The following ADAM12 variants were observed in gnomAD, a reference collection of about 807,000 sequenced individuals.
The protein encoded by ADAM12 is ADAM metallopeptidase domain 12.
ADAM12 carries 70 observed loss-of-function variants against 106.4 expected under a neutral mutation model. The ratio of observed to expected loss-of-function variants is 0.66; its 90% CI spans 0.54 to 0.80. The LOEUF (loss-of-function observed/expected upper bound fraction) is 0.80, where lower values mean the gene tolerates loss of function less well. Ranked by LOEUF, ADAM12 falls within the 30% of genes least tolerant of loss-of-function variation. The pLI is 0.00. For missense variants in ADAM12, 1,010 were observed against 1,171.9 expected, an observed-to-expected ratio of 0.86 and a Z score of 2.02; for synonymous variants, 420 against 433.5, an observed-to-expected ratio of 0.97 and a Z score of 0.39.
chr10:126,372,280 A>G (rs901307782), intron 1 of ADAM12, among the ~76,000 whole-genome samples: 2 of 152,230 alleles, frequency 1.3e-5, no homozygotes, highest in African/African-American at 4.8e-5. Context: ...ATGAACAGTG[A>G]TACCATGTGC....
chr10:126,014,418 A>AT lies in ADAM12; in HGVS notation c.*2860dup, dbSNP rs914784377. 10 of 46,256 alleles carry AT rather than the reference A, an allele frequency of 2.2e-4. No homozygotes were observed. Among genetic ancestry groups the AT allele is most frequent in the Non-Finnish European group, 4.3e-4 (10 of 23,320 alleles). The allele number at this position is 46,256 out of a possible 1,614,324, so 2.9% of individuals were successfully genotyped here. On this transcript the variant is annotated 3_prime_UTR_variant, in exon 23 of 23. Coordinates refer to ENST00000448723, the MANE Select transcript of ADAM12 (RefSeq NM_001288973.2). ...AGAATTCTCATAAAGTTAAGAAGGC[A>AT]TAAAAATGCCCCCCCCCCGAGACTC... is the stretch of plus-strand genomic sequence containing the variant.
intron 3 of ADAM12, among the ~76,000 whole-genome samples, chr10:126,210,566 G>C (rs1323001413): frequency 1.3e-5 from 2 of 152,220 alleles, no homozygotes; most frequent in Non-Finnish European, 2.9e-5. Context: ...CAGGACGTGA[G>C]TGAGTCCTCC....
At chr10:126,372,345 C>G (rs531127298) in intron 1 of ADAM12, among the ~76,000 whole-genome samples, 1 of 152,326 alleles carries the variant, frequency 6.6e-6, no homozygotes, top group South Asian at 2.1e-4. Flanking sequence ...TCCCCAACCT[C>G]TCCCTCATTT....
In ADAM12 at chr10:126,017,183, TA is replaced by T. The variant is rs772863906; in HGVS notation, c.*95del. The T allele has an allele frequency of 2.4e-5, 28 of 1,166,092 alleles. No individual in the cohort carries two copies. The highest frequency in any genetic ancestry group is 5.1e-5 in the East Asian group (2 of 39,136). 72.2% of individuals were successfully genotyped at this position (1,166,092 alleles called of 1,614,324 possible). On this transcript the variant is annotated 3_prime_UTR_variant, in exon 23 of 23. Coordinates refer to ENST00000448723, the MANE Select transcript of ADAM12 (RefSeq NM_001288973.2). ...CTTATAGTAATGATGTTTTAAACAT[TA>T]AAAAAAATCCTAAAAGTTGGTACAA...
intron 11 of ADAM12, 103 bp from the exon 12 acceptor site, chr10:126,071,757 G>A: frequency 8.1e-7 from 1 of 1,240,110 alleles, no homozygotes; most frequent in East Asian, 2.4e-5. Context: ...ATCTGCCCAG[G>A]TGTTCACTGG....
intron 2 of ADAM12, among the ~76,000 whole-genome samples, chr10:126,312,839 C>T (rs1961172516): frequency 6.6e-6 from 1 of 152,210 alleles, no homozygotes; most frequent in African/African-American, 2.4e-5. Context: ...GATGCCCTCT[C>T]ATCGCAGCCA....
chr10:126,245,513 C>T (rs1013626392), intron 3 of ADAM12, among the ~76,000 whole-genome samples: 1 of 152,056 alleles, frequency 6.6e-6, no homozygotes, highest in African/African-American at 2.4e-5. Context: ...GGGCAGTGGG[C>T]AGGAGGTCGG....
chr10:126,338,544 G>A (rs1019825812), intron 1 of ADAM12, among the ~76,000 whole-genome samples: 9 of 152,096 alleles, frequency 5.9e-5, no homozygotes, highest in African/African-American at 9.7e-5. Context: ...GAGCCACCGC[G>A]CCCGGCCTGT....
intron 4 of ADAM12, among the ~76,000 whole-genome samples, chr10:126,148,387 C>G (rs1956667756): frequency 6.6e-6 from 1 of 152,162 alleles, no homozygotes; most frequent in African/African-American, 2.4e-5. Flanking sequence ...ACCCTAAAAG[C>G]TGCATCTGGG....
intron 3 of ADAM12, among the ~76,000 whole-genome samples, chr10:126,186,377 T>C (rs1409027880): frequency 6.6e-6 from 1 of 152,244 alleles, no homozygotes; most frequent in African/African-American, 2.4e-5. Flanking sequence ...GGAAAATTTC[T>C]GTCTGGGTCT....
chr10:126,317,772 T>G (rs966882162), intron 2 of ADAM12, among the ~76,000 whole-genome samples: 6 of 152,212 alleles, frequency 3.9e-5, no homozygotes, highest in African/African-American at 1.4e-4. Flanking sequence ...ATTTTATTAT[T>G]TTTTGAGATG....
intron 3 of ADAM12, among the ~76,000 whole-genome samples, chr10:126,251,245 C>A (rs1010927682): frequency 3.9e-5 from 6 of 152,232 alleles, no homozygotes; most frequent in Admixed American, 3.3e-4. Flanking sequence ...GTGCTTTCCT[C>A]CAGTTCCTTC....
chr10:126,080,585 C>T (rs1955193135), intron 11 of ADAM12, among the ~76,000 whole-genome samples: 1 of 152,188 alleles, frequency 6.6e-6, no homozygotes, highest in African/African-American at 2.4e-5. Flanking sequence ...AAAGCCGTGG[C>T]AGGGTGACTG....
chr10:126,290,000 A>C (rs1211060877), intron 2 of ADAM12, among the ~76,000 whole-genome samples: 1 of 152,174 alleles, frequency 6.6e-6, no homozygotes, highest in Non-Finnish European at 1.5e-5. Flanking sequence ...CAGGGACCTC[A>C]CCCTGGATTA....
intron 1 of ADAM12, among the ~76,000 whole-genome samples, chr10:126,341,003 T>C (rs1463937536): frequency 6.6e-6 from 1 of 152,066 alleles, no homozygotes; most frequent in Non-Finnish European, 1.5e-5. Context: ...GTGTGAGCCA[T>C]TGCACCTGGC....
At chr10:126,170,930 C>T (rs534612604) in intron 3 of ADAM12, among the ~76,000 whole-genome samples, 9 of 152,276 alleles carry the variant, frequency 5.9e-5, no homozygotes, top group South Asian at 4.2e-4. Flanking sequence ...CTAATGCTGT[C>T]GAGAACCCTA....
At chr10:126,265,433 G>A (rs1590705154) in intron 3 of ADAM12, among the ~76,000 whole-genome samples, 1 of 152,206 alleles carries the variant, frequency 6.6e-6, no homozygotes, top group African/African-American at 2.4e-5. Context: ...CCTGGTGGGT[G>A]AAGTCTCAGG....
intron 5 of ADAM12, among the ~76,000 whole-genome samples, chr10:126,123,482 G>A (rs1956148405): frequency 6.6e-6 from 1 of 152,180 alleles, no homozygotes; most frequent in East Asian, 1.9e-4. Flanking sequence ...ACAGGAGGAG[G>A]CCGGCCCAGC....
At chr10:126,193,610 G>A (rs1305994075) in intron 3 of ADAM12, among the ~76,000 whole-genome samples, 1 of 152,072 alleles carries the variant, frequency 6.6e-6, no homozygotes, top group Non-Finnish European at 1.5e-5. Context: ...AAACATATGA[G>A]AGAGGGCCAG....
Sources: allele counts gnomAD v4.1 joint callset (sites outside exome capture counted in the v4.1 genomes callset), GRCh38; gene constraint gnomAD v4.1.1; transcripts MANE v1.5; gene names NCBI Gene and HGNC (gene_info 2026-07-23, HGNC 2026-07-21).